Variants in GRHL1 observed in about 807,000 individuals in gnomAD.
GRHL1 encodes grainyhead-like protein 1 homolog.
GRHL1 carries 38 observed loss-of-function variants against 75.7 expected under a neutral mutation model. That is an observed-to-expected ratio of 0.50 (90% CI 0.39 to 0.66). GRHL1 has a LOEUF of 0.66. Ranked by LOEUF, GRHL1 falls within the 30% of genes least tolerant of loss-of-function variation. GRHL1 has a pLI of 0.00. For synonymous variants in GRHL1, 266 were observed against 279.4 expected, an observed-to-expected ratio of 0.95 and a Z score of 0.48; for missense variants, 589 against 767.5, an observed-to-expected ratio of 0.77 and a Z score of 2.75.
intron 8 of GRHL1, among the ~76,000 whole-genome samples, chr2:9,974,939 G>A (rs888247758): frequency 1.3e-5 from 2 of 152,224 alleles, no homozygotes; most frequent in Non-Finnish European, 2.9e-5. Flanking sequence ...GATTTCCAGG[G>A]AAGTGGACTT....
In GRHL1 at chr2:9,995,962, CA is replaced by C; in HGVS notation, c.1586del (p.Lys529ArgfsTer18). The C allele has an allele frequency of 1.3e-6, 2 of 1,590,408 alleles. No individual in the cohort carries two copies. The highest frequency in any genetic ancestry group is 1.7e-6 in the Non-Finnish European group (2 of 1,158,404). ...PSTKLARIEEPKRVLLYVRKE... is the reference protein window; with the variant it reads ...PSTKLARIEEXKRVLLYVRKE... ...ACCAAGCTGGCCCGGATAGAAGAACCAAAGAGAGGTGTGTTCGTTTCCATTT... is the reference window on the plus strand; with the variant it reads ...ACCAAGCTGGCCCGGATAGAAGAACCAAGAGAGGTGTGTTCGTTTCCATTT... On this transcript the variant is annotated frameshift_variant, in exon 13 of 16. Transcript: ENST00000324907. LOFTEE classifies it high-confidence loss of function.
intron 12 of GRHL1, among the ~76,000 whole-genome samples, chr2:9,995,586 C>CAA (rs368168163): frequency 1.7e-3 from 180 of 107,914 alleles, no homozygotes; most frequent in Middle Eastern, 0.011. Flanking sequence ...CCCTGTCTCA[C>CAA]AAAAAAAAAA....
In GRHL1 at chr2:9,992,444, A is replaced by G. The variant is rs570915075; in HGVS notation, c.1461+298A>G. Among the ~76,000 whole-genome samples, 1 of 152,338 alleles carries G rather than the reference A, an allele frequency of 6.6e-6. No homozygotes were observed. The highest frequency in any genetic ancestry group is 2.4e-5 in the African/African-American group (1 of 41,586). On this transcript the variant is annotated intron_variant, in intron 11 of 15. Transcript: ENST00000324907. The surrounding 1 kb of genome is among the most constrained non-coding windows in gnomAD (Gnocchi z 4.6). ...ATTTAAAAGATTCTAGAATAGTAGC[A>G]TAATTTGGAGTTTGAGCCTGTCATC...
At chr2:9,978,392 T>C (rs78323003) in intron 8 of GRHL1, among the ~76,000 whole-genome samples, 1,785 of 152,232 alleles carry the variant, frequency 0.012, 31 homozygotes, top group African/African-American at 0.04. Flanking sequence ...TGTATGTCAG[T>C]AGACGATGGA....
intron 8 of GRHL1, among the ~76,000 whole-genome samples, chr2:9,978,483 G>A (rs376970793): frequency 6.6e-6 from 1 of 152,180 alleles, no homozygotes; most frequent in African/African-American, 2.4e-5. Flanking sequence ...AGATGTGAAC[G>A]AGAATGGACA....
Position 9,996,399 on chromosome 2 carries a change from G to T in GRHL1, c.1675G>T (p.Ala559Ser). The T allele has an allele frequency of 6.3e-7, 1 of 1,590,246 alleles. No homozygotes were observed. The highest frequency in any genetic ancestry group is 1.3e-5 in the African/African-American group (1 of 74,586). The change falls in exon 14 of 16, where the codon GCT becomes TCT. Residue 559 changes from alanine (A) to serine (S), a missense_variant and splice_region_variant. Around this residue, in one of 5 missense-constraint regions of GRHL1, gnomAD observed 192 missense variants for 226.6 expected, o/e 0.85. Coordinates refer to ENST00000324907, the MANE Select transcript of GRHL1 (RefSeq NM_198182.3). ...KTPSLKGLMEAISDKYDVPHD... is the reference protein window; with the variant it reads ...KTPSLKGLMESISDKYDVPHD... ...CCCATCTTTGAAGGGCTTGATGGAA[G>T]CTGTAAGTAGGATCAACTCTGTAAT...
intron 4 of GRHL1, among the ~76,000 whole-genome samples, chr2:9,961,911 T>G (rs1441408709): frequency 1.3e-5 from 2 of 151,832 alleles, no homozygotes; most frequent in Non-Finnish European, 2.9e-5. Flanking sequence ...GTTCTGGGGG[T>G]TTTATGGTGA....
chr2:9,977,850 G>C (rs2125227392), intron 8 of GRHL1, among the ~76,000 whole-genome samples: 1 of 152,028 alleles, frequency 6.6e-6, no homozygotes, highest in South Asian at 2.1e-4. Context: ...CCATTTTCAT[G>C]CTGCTGATAA....
chr2:9,951,839 A>C lies in GRHL1; in HGVS notation c.6A>C (p.Thr2=). ...GGCAGCGGCGAGCGGGCGCGATGACACAGGAGTACGACAAGTGAGTGAGGC... is the reference window on the plus strand; with the variant it reads ...GGCAGCGGCGAGCGGGCGCGATGACCCAGGAGTACGACAAGTGAGTGAGGC... M[T]QEYDNKRPVL... is the part of the protein sequence containing the mutation. The change falls in exon 1 of 16, where the codon ACA becomes ACC. Residue 2 remains threonine, a synonymous_variant. Coordinates refer to ENST00000324907, the MANE Select transcript of GRHL1 (RefSeq NM_198182.3). The surrounding 1 kb of genome is among the most constrained non-coding windows in gnomAD (Gnocchi z 4.2). 1 of 1,518,724 alleles carries C rather than the reference A, an allele frequency of 6.6e-7. No homozygotes were observed. Among genetic ancestry groups the C allele is most frequent in the Non-Finnish European group, 8.8e-7 (1 of 1,130,974 alleles). 94.1% of individuals were successfully genotyped at this position (1,518,724 alleles called of 1,614,324 possible).
Position 9,995,950 on chromosome 2 carries a change from G to T in GRHL1, c.1571G>T (p.Arg524Leu), listed in dbSNP as rs372514213. The change falls in exon 13 of 16, where the codon CGG becomes CTG. Residue 524 changes from arginine to leucine, a missense_variant. Physicochemically the swap from Arg to Leu is moderately radical, Grantham distance 102. Around this residue, in one of 5 missense-constraint regions of GRHL1, gnomAD observed 192 missense variants for 226.6 expected, o/e 0.85. Transcript: ENST00000324907. ...FAVPPSTKLARIEEPKRVLLY... is the reference protein window; with the variant it reads ...FAVPPSTKLALIEEPKRVLLY... ...GTCCCTCCTTCTACCAAGCTGGCCC[G>T]GATAGAAGAACCAAAGAGAGGTGTG... The T allele has an allele frequency of 5.0e-6, 8 of 1,606,298 alleles. No individual in the cohort carries two copies. Among genetic ancestry groups the T allele is most frequent in the Non-Finnish European group, 6.8e-6 (8 of 1,172,904 alleles).
chr2:9,966,990 CA>C (rs1667522626), intron 8 of GRHL1, among the ~76,000 whole-genome samples: 1 of 152,150 alleles, frequency 6.6e-6, no homozygotes, highest in Non-Finnish European at 1.5e-5. Flanking sequence ...AATTAAATAT[CA>C]TAATAGGACT....
chr2:9,998,681 CATATATATGTACACACAT>C lies in GRHL1; in HGVS notation c.1678-276_1678-259del, dbSNP rs1558320765. ...ACATATATATGTACACATATATATA[CATATATATGTACACACAT>C]ATATATACATATATATGTACACACA... is the stretch of plus-strand genomic sequence containing the variant. On this transcript the variant is annotated intron_variant, in intron 14 of 15. Coordinates refer to ENST00000324907, the MANE Select transcript of GRHL1 (RefSeq NM_198182.3). 1.1e-4 allele frequency among the ~76,000 whole-genome samples: 7 copies of C among 64,722 alleles called. 1 individual carries two copies. Among genetic ancestry groups the C allele is most frequent in the South Asian group, 4.0e-4 (1 of 2,486 alleles). 42.5% of individuals were successfully genotyped at this position (64,722 alleles called of 152,430 possible).
Position 10,000,711 on chromosome 2 carries a change from C to G in GRHL1, c.*4C>G, listed in dbSNP as rs747031127. 3 of 1,514,632 alleles carry G rather than the reference C, an allele frequency of 2.0e-6. No homozygotes were observed. The South Asian group carries it at 3.4e-5, about 17-fold the overall frequency. 93.8% of individuals were successfully genotyped at this position (1,514,632 alleles called of 1,614,324 possible). A position where few individuals can be genotyped will look rare whatever the true frequency, so the allele number is the denominator to read the frequency against. On this transcript the variant is annotated 3_prime_UTR_variant, in exon 16 of 16. Coordinates refer to ENST00000324907, the MANE Select transcript of GRHL1 (RefSeq NM_198182.3). ...GCTCACCCTGACGGAGATCTAAAGGCCTGCGGGCCACAGCTCCCCAGGAGT... is the reference window on the plus strand; with the variant it reads ...GCTCACCCTGACGGAGATCTAAAGGGCTGCGGGCCACAGCTCCCCAGGAGT...
At chr2:9,973,955 G>A (rs976875453) in intron 8 of GRHL1, among the ~76,000 whole-genome samples, 1 of 152,190 alleles carries the variant, frequency 6.6e-6, no homozygotes, top group Non-Finnish European at 1.5e-5. Context: ...TATTTGGTTC[G>A]AAATGTAGAG....
chr2:9,952,549 G>A (rs996527714), intron 1 of GRHL1, among the ~76,000 whole-genome samples: 2 of 152,210 alleles, frequency 1.3e-5, no homozygotes. Context: ...AGAAAGTACT[G>A]TACAAGCTAA....
intron 8 of GRHL1, among the ~76,000 whole-genome samples, chr2:9,969,775 C>T (rs1026060227): frequency 6.7e-6 from 1 of 150,338 alleles, no homozygotes; most frequent in African/African-American, 2.4e-5. Context: ...CAGCTGCGGT[C>T]AAAGGAAATT....
Position 10,000,876 on chromosome 2 carries a change from T to C in GRHL1, c.*169T>C. 1 of 497,244 alleles carries C rather than the reference T, an allele frequency of 2.0e-6. No individual in the cohort carries two copies. Among genetic ancestry groups the C allele is most frequent in the Non-Finnish European group, 3.6e-6 (1 of 280,464 alleles). The allele number at this position is 497,244 out of a possible 1,614,324, so 30.8% of individuals were successfully genotyped here. A position where few individuals can be genotyped will look rare whatever the true frequency, so the allele number is the denominator to read the frequency against. ...GGCTGCATCTGGCTTGGTGGTAGCA[T>C]TTAATCTATTGCATTGGTGTTTTTC... On this transcript the variant is annotated 3_prime_UTR_variant, in exon 16 of 16. Coordinates refer to ENST00000324907, the MANE Select transcript of GRHL1 (RefSeq NM_198182.3).
At chr2:9,954,410 C>T (rs1666921463) in intron 1 of GRHL1, among the ~76,000 whole-genome samples, 1 of 152,106 alleles carries the variant, frequency 6.6e-6, no homozygotes, top group Middle Eastern at 3.2e-3. Flanking sequence ...ATCCCTTTTT[C>T]TTTCTGCTGC....
chr2:9,952,163 C>T lies in GRHL1; in HGVS notation c.20+310C>T, dbSNP rs1387216905. ...GCGCGCACCTTGGGGTCCGGGCCCC[C>T]GGCGCGGTCGGGTGCGGCGCGAGGT... On this transcript the variant is annotated intron_variant, in intron 1 of 15. Transcript: ENST00000324907. Among the ~76,000 whole-genome samples the T allele has an allele frequency of 3.3e-5, 5 of 151,920 alleles. No homozygotes were observed. The South Asian group carries it at 8.3e-4, about 25-fold the overall frequency.
Sources: gnomAD v4.1 joint callset for allele counts (sites outside exome capture counted in the v4.1 genomes callset) on GRCh38, gnomAD v4.1.1 for gene constraint, gnomAD v4.1.1 regional missense constraint, Gnocchi (gnomAD v3.1) non-coding constraint, MANE v1.5 for transcripts, NCBI Gene and HGNC (gene_info 2026-07-23, HGNC 2026-07-21) for gene names.